Variants in ADGRG6 observed in about 807,000 individuals in gnomAD.
The protein encoded by ADGRG6 is G-protein coupled receptor 126.
In ADGRG6, 84 loss-of-function variants were observed where a neutral mutation model predicts 142.4. That is an observed-to-expected ratio of 0.59 (90% CI 0.49 to 0.71). The LOEUF is 0.71. ADGRG6 is among the 30% of genes least tolerant of loss of function. The probability of loss-of-function intolerance (pLI) is 0.00; values close to 1 mark genes in which losing one functional copy is unlikely to be tolerated. For missense variants in ADGRG6, 1,367 were observed against 1,466.6 expected, an observed-to-expected ratio of 0.93 and a Z score of 1.11; for synonymous variants, 521 against 520.5, an observed-to-expected ratio of 1.00 and a Z score of -0.01.
At chr6:142,303,191 C>G (rs1402376550) in intron 1 of ADGRG6, among the ~76,000 whole-genome samples, 1 of 152,086 alleles carries the variant, frequency 6.6e-6, no homozygotes, top group Non-Finnish European at 1.5e-5. Flanking sequence ...GGACGGACAC[C>G]GTGACAGACA....
chr6:142,356,741 A>G (rs118046006), intron 2 of ADGRG6, among the ~76,000 whole-genome samples: 2,429 of 152,194 alleles, frequency 0.016, 38 homozygotes, highest in Non-Finnish European at 0.025. Context: ...GCTAGTGACT[A>G]CCTCAAGGTC....
At chr6:142,388,379 T>C (rs939231691) in intron 6 of ADGRG6, among the ~76,000 whole-genome samples, 1 of 152,146 alleles carries the variant, frequency 6.6e-6, no homozygotes, top group Middle Eastern at 3.2e-3. Flanking sequence ...CAAATACTAC[T>C]GTTATAACAA....
At chr6:142,384,640 G>C (rs890182663) in intron 6 of ADGRG6, among the ~76,000 whole-genome samples, 1 of 152,060 alleles carries the variant, frequency 6.6e-6, no homozygotes, top group Non-Finnish European at 1.5e-5. Flanking sequence ...TTTGAATACA[G>C]TAATATTCTC....
At chr6:142,377,554 C>T (rs1226683955) in intron 4 of ADGRG6, among the ~76,000 whole-genome samples, 1 of 152,222 alleles carries the variant, frequency 6.6e-6, no homozygotes, top group Non-Finnish European at 1.5e-5. Context: ...ATTTGGCTGT[C>T]TCATTAATAT....
intron 11 of ADGRG6, among the ~76,000 whole-genome samples, chr6:142,401,234 C>T (rs1562367810): frequency 6.6e-6 from 1 of 152,114 alleles, no homozygotes; most frequent in African/African-American, 2.4e-5. Context: ...TTGTAGGGAG[C>T]AAAGAAGGGG....
intron 9 of ADGRG6, among the ~76,000 whole-genome samples, chr6:142,394,544 T>C (rs1415712562): frequency 1.3e-5 from 2 of 151,960 alleles, no homozygotes; most frequent in Non-Finnish European, 2.9e-5. Flanking sequence ...TTTAGTTGTA[T>C]TTAGGTTATT....
intron 22 of ADGRG6, among the ~76,000 whole-genome samples, chr6:142,433,940 A>C (rs906205547): frequency 6.6e-6 from 1 of 152,126 alleles, no homozygotes; most frequent in African/African-American, 2.4e-5. Flanking sequence ...TCCAGGCAAC[A>C]TAAGAAGCTG....
At chr6:142,334,517 G>T (rs927191955) in intron 2 of ADGRG6, among the ~76,000 whole-genome samples, 3 of 152,186 alleles carry the variant, frequency 2.0e-5, no homozygotes, top group Non-Finnish European at 2.9e-5. Flanking sequence ...AAAAGCTACA[G>T]GAAGTATGTC....
In ADGRG6 at chr6:142,397,603, G is replaced by A; in HGVS notation, c.1425-10G>A. ...CAACAACAACAGTTCTATCCGAAAT[G>A]TTTCCCTAGGTTGGTGCTTTGGGCC... On this transcript the variant is annotated splice_polypyrimidine_tract_variant and intron_variant, in intron 9 of 24. Coordinates refer to ENST00000367609, the MANE Select transcript of ADGRG6 (RefSeq NM_198569.3). The A allele has an allele frequency of 6.2e-7, 1 of 1,606,468 alleles. No individual in the cohort carries two copies. The highest frequency in any genetic ancestry group is 8.5e-7 in the Non-Finnish European group (1 of 1,177,062).
In ADGRG6 at chr6:142,437,435, CT is replaced by C; in HGVS notation, c.3323del (p.Leu1108TyrfsTer10). Reference sequence around the variant, plus strand: ...TATTTATATTTTCTTTTGTCACAGGCTTATTTATATTCATCTTCCACTGTGC... The same window carrying C: ...TATTTATATTTTCTTTTGTCACAGGCTATTTATATTCATCTTCCACTGTGC... ...LFSIFNSLQGLFIFIFHCAMK... is the reference protein window; with the variant it reads ...LFSIFNSLQGXFIFIFHCAMK... On this transcript the variant is annotated frameshift_variant and splice_region_variant, in exon 23 of 25. Coordinates refer to ENST00000367609, the MANE Select transcript of ADGRG6 (RefSeq NM_198569.3). LOFTEE classifies it high-confidence loss of function. The C allele has an allele frequency of 7.0e-7, 1 of 1,428,466 alleles. No individual in the cohort carries two copies. Among genetic ancestry groups the C allele is most frequent in the Non-Finnish European group, 9.9e-7 (1 of 1,014,502 alleles). The allele number at this position is 1,428,466 out of a possible 1,614,324, so 88.5% of individuals were successfully genotyped here.
At chr6:142,304,206 C>T (rs896366948) in intron 1 of ADGRG6, among the ~76,000 whole-genome samples, 7 of 151,976 alleles carry the variant, frequency 4.6e-5, no homozygotes, top group East Asian at 1.9e-4. Context: ...CTATATTATC[C>T]TTTAAATTTT....
At position 142,414,976 on chromosome 6, in the gene ADGRG6, CA is replaced by C. The variant is rs1165222531; in HGVS notation, c.2551del (p.Arg851GlufsTer6). 1 of 1,610,056 alleles carries C rather than the reference CA, an allele frequency of 6.2e-7. No homozygotes were observed. Among genetic ancestry groups the C allele is most frequent in the Non-Finnish European group, 8.5e-7 (1 of 1,178,054 alleles). On this transcript the variant is annotated frameshift_variant, in exon 19 of 25. Transcript: ENST00000367609. LOFTEE classifies it high-confidence loss of function. ...FTHFGVLMDL[P>X]RSASQLDARN... ...TCGCCATGTTTTATGTAGGACCTTC[CA>C]AGAAGTGCCTCACAGTTAGATGCAA... is the stretch of plus-strand genomic sequence containing the variant.
chr6:142,413,127 C>A (rs553285003), intron 18 of ADGRG6, among the ~76,000 whole-genome samples: 4 of 151,934 alleles, frequency 2.6e-5, no homozygotes, highest in African/African-American at 9.6e-5. Context: ...GGTAGAAAAT[C>A]TTTTCAGAAC....
chr6:142,438,102 C>T (rs951788561), intron 23 of ADGRG6, 110 bp from the exon 24 acceptor site: 4 of 631,488 alleles, frequency 6.3e-6, no homozygotes, highest in Non-Finnish European at 1.1e-5. Context: ...CCATTGCCAG[C>T]ATATCAGAAA....
rs190475948 is a variant in ADGRG6, at chr6:142,411,727, G to A, written c.2541+316G>A. Among the ~76,000 whole-genome samples the A allele has an allele frequency of 1.6e-4, 24 of 152,192 alleles. 1 individual carries two copies. The East Asian group carries it at 4.1e-3, about 26-fold the overall frequency. Reference sequence around the variant, plus strand: ...GAGAAACAGAGTCAAAGAGATGGACGGGGAGACAAGTGGGAGGAGGGAGAG... The same window carrying A: ...GAGAAACAGAGTCAAAGAGATGGACAGGGAGACAAGTGGGAGGAGGGAGAG... On this transcript the variant is annotated intron_variant, in intron 18 of 24. Transcript: ENST00000367609.
At chr6:142,319,470 T>A (rs1472078115) in intron 2 of ADGRG6, among the ~76,000 whole-genome samples, 1 of 152,156 alleles carries the variant, frequency 6.6e-6, no homozygotes, top group Non-Finnish European at 1.5e-5. Flanking sequence ...CTATTGACAT[T>A]CAAATTTTGA....
At chr6:142,318,340 T>A (rs1409404389) in intron 2 of ADGRG6, among the ~76,000 whole-genome samples, 12 of 93,478 alleles carry the variant, frequency 1.3e-4, no homozygotes, top group South Asian at 1.0e-3. Flanking sequence ...ATATTTATAT[T>A]ATATATTTAT....
chr6:142,356,712 G>A (rs553734975), intron 2 of ADGRG6, among the ~76,000 whole-genome samples: 26 of 152,070 alleles, frequency 1.7e-4, no homozygotes, highest in Non-Finnish European at 2.9e-4. Context: ...CTTCAGATGT[G>A]GAAATCAGAA....
chr6:142,383,682 A>C, intron 5 of ADGRG6, 78 bp from the exon 6 acceptor site: 1 of 729,750 alleles, frequency 1.4e-6, no homozygotes, highest in Non-Finnish European at 2.5e-6. Context: ...ATTTTAATGC[A>C]TTAATTATAG....
Sources: allele counts gnomAD v4.1 joint callset (sites outside exome capture counted in the v4.1 genomes callset), GRCh38; gene constraint gnomAD v4.1.1; transcripts MANE v1.5; gene names NCBI Gene and HGNC (gene_info 2026-07-23, HGNC 2026-07-21).